Variants in ORC1 observed in about 807,000 individuals in gnomAD.
ORC1 encodes origin recognition complex, subunit 1 homolog.
In ORC1, 61 loss-of-function variants were observed where a neutral mutation model predicts 98.9. The ratio of observed to expected loss-of-function variants is 0.62; its 90% CI spans 0.50 to 0.76. The LOEUF (loss-of-function observed/expected upper bound fraction) is 0.76. ORC1 is among the 30% of genes least tolerant of loss of function. The probability of loss-of-function intolerance (pLI) is 0.00; values close to 1 mark genes in which losing one functional copy is unlikely to be tolerated. For synonymous variants in ORC1, 385 were observed against 406.9 expected, an observed-to-expected ratio of 0.95 and a Z score of 0.65; for missense variants, 979 against 1,072.2, an observed-to-expected ratio of 0.91 and a Z score of 1.21.
Position 52,402,248 on chromosome 1 carries a change from C to CT in ORC1, c.-5-21dup, listed in dbSNP as rs774396992. 9.0e-6 allele frequency: 14 copies of CT among 1,550,880 alleles called. No individual in the cohort carries two copies. Among genetic ancestry groups the CT allele is most frequent in the Non-Finnish European group, 1.2e-5 (14 of 1,122,590 alleles). On this transcript the variant is annotated intron_variant, in intron 1 of 16. Transcript: ENST00000371568. ...TGGCTTCTGTGGAAGAGTCCAAACT[C>CT]TGAGTTACCATGATAAATATTTGGT...
intron 6 of ORC1, among the ~76,000 whole-genome samples, chr1:52,390,323 C>G (rs1026225398): frequency 2.0e-5 from 3 of 152,180 alleles, no homozygotes; most frequent in African/African-American, 7.2e-5. Flanking sequence ...GTTACCAAAA[C>G]AGCATAGTAC....
intron 1 of ORC1, among the ~76,000 whole-genome samples, chr1:52,402,482 A>C (rs182796902): frequency 1.3e-5 from 2 of 152,356 alleles, no homozygotes. Flanking sequence ...GGAAAACAGA[A>C]AGGTCAATTC....
chr1:52,397,430 G>A (rs1569951612), intron 4 of ORC1, among the ~76,000 whole-genome samples: 2 of 152,168 alleles, frequency 1.3e-5, no homozygotes, highest in Non-Finnish European at 1.5e-5. Flanking sequence ...ATCCCCCTGA[G>A]ATACATCTGC....
At chr1:52,377,832 A>G (rs374891941) in intron 14 of ORC1, among the ~76,000 whole-genome samples, 6 of 152,150 alleles carry the variant, frequency 3.9e-5, no homozygotes, top group African/African-American at 1.4e-4. Context: ...TCAAGACAAA[A>G]AAATAAGAAA....
intron 5 of ORC1, among the ~76,000 whole-genome samples, chr1:52,394,609 T>A (rs186433091): frequency 6.6e-6 from 1 of 151,960 alleles, no homozygotes; most frequent in Non-Finnish European, 1.5e-5. Context: ...AGGGGACATA[T>A]GAGGACCTAA....
upstream of ORC1, among the ~76,000 whole-genome samples, chr1:52,405,336 G>C (rs1001397942): frequency 1.2e-4 from 18 of 152,184 alleles, no homozygotes; most frequent in African/African-American, 4.3e-4. Flanking sequence ...TTTGAATTGT[G>C]GCTTTAAATC....
At chr1:52,389,142 G>A (rs1647179177) in intron 7 of ORC1, 75 bp downstream of exon 7, 1 of 1,053,526 alleles carries the variant, frequency 9.5e-7, no homozygotes. Context: ...AACAGTATAA[G>A]AGGCATTAGG....
upstream of ORC1, chr1:52,404,803 A>G (rs891125386): frequency 3.7e-6 from 6 of 1,614,068 alleles, no homozygotes; most frequent in African/African-American, 2.7e-5. Flanking sequence ...CCAACCCTCA[A>G]TATCTGGTGG....
chr1:52,383,532 T>A lies in ORC1; in HGVS notation c.1901A>T (p.Tyr634Phe), dbSNP rs1313376435. ...LLWTHKQDIM[Y>F]NLFDWPTHKE... is the part of the protein sequence containing the mutation. ...ATGAGTGGGCCAGTCAAAGAGATTG[T>A]ACATTATGTCTTGTTTGTGAGTCCA... Residue 634 changes from tyrosine to phenylalanine, a missense_variant, in exon 13 of 17, where the codon TAC (tyrosine) becomes TTC (phenylalanine). Transcript: ENST00000371568. 6.2e-7 allele frequency: 1 copy of A among 1,613,898 alleles called. No individual in the cohort carries two copies. Among genetic ancestry groups the A allele is most frequent in the East Asian group, 2.2e-5 (1 of 44,894 alleles).
At chr1:52,376,398 T>C (rs147773714) in intron 14 of ORC1, among the ~76,000 whole-genome samples, 8,473 of 151,826 alleles carry the variant, frequency 0.056, 548 homozygotes, top group African/African-American at 0.15. Context: ...GCCTGTAATC[T>C]CAGCTACTGG....
At chr1:52,401,313 CCAATCATT>C (rs747821590) in intron 3 of ORC1, 41 bp downstream of exon 3, 1 of 1,611,134 alleles carries the variant, frequency 6.2e-7, no homozygotes, top group Non-Finnish European at 8.5e-7. Flanking sequence ...TCCCCACCTC[CCAATCATT>C]CATGACAAGG....
In ORC1 at chr1:52,384,841, G is replaced by A. The variant is rs115087338; in HGVS notation, c.1584-120C>T. ...ACCGAGACCCTTGAAATGTGGAGGT[G>A]GGGGCAGTAGGGACCATCCTTGGAA... On this transcript the variant is annotated intron_variant, in intron 10 of 16. Transcript: ENST00000371568. 2.7e-3 allele frequency: 2,296 copies of A among 856,828 alleles called. 28 individuals are homozygous for A. The African/African-American group carries it at 0.034, about 13-fold the overall frequency. 53.1% of individuals were successfully genotyped at this position (856,828 alleles called of 1,614,324 possible).
intron 3 of ORC1, among the ~76,000 whole-genome samples, chr1:52,399,597 C>G (rs541951441): frequency 7.9e-6 from 1 of 125,898 alleles, no homozygotes; most frequent in East Asian, 2.3e-4. Flanking sequence ...GCACTCCAGA[C>G]TGGGCGACAC....
chr1:52,373,505 G>T (rs935578747), intron 16 of ORC1, 130 bp from the exon 17 acceptor site: 2 of 773,960 alleles, frequency 2.6e-6, no homozygotes, highest in Non-Finnish European at 4.4e-6. Flanking sequence ...GAAGGCATCA[G>T]TTGGTGCCCC....
intron 3 of ORC1, among the ~76,000 whole-genome samples, chr1:52,399,840 A>ACACACACACAC (rs1557586074): frequency 7.1e-6 from 1 of 140,080 alleles, no homozygotes; most frequent in African/African-American, 2.8e-5. Flanking sequence ...CACACACACA[A>ACACACACACAC]GAATTACAGC....
chr1:52,385,704 T>C, intron 9 of ORC1, 148 bp downstream of exon 9: 1 of 717,224 alleles, frequency 1.4e-6, no homozygotes, highest in African/African-American at 1.8e-5. Flanking sequence ...TTTCTAAACA[T>C]ACACTCACTT....
At chr1:52,408,345 ATATG>A, upstream of ORC1, 1 of 670,474 alleles carries the variant, frequency 1.5e-6, no homozygotes, top group South Asian at 1.5e-5. Context: ...AAGTTGATCA[ATATG>A]TATGATGTTC....
chr1:52,406,380 G>A (rs1359537785), upstream of ORC1, among the ~76,000 whole-genome samples: 1 of 152,162 alleles, frequency 6.6e-6, no homozygotes, highest in Non-Finnish European at 1.5e-5. Flanking sequence ...GGATTTCACA[G>A]ATTCACTAAA....
At chr1:52,394,900 T>A (rs1261344941) in intron 5 of ORC1, among the ~76,000 whole-genome samples, 1 of 152,248 alleles carries the variant, frequency 6.6e-6, no homozygotes, top group Non-Finnish European at 1.5e-5. Flanking sequence ...TCCACCCGCC[T>A]CGGCCTCCAA....
Sources: gnomAD v4.1 joint callset for allele counts (sites outside exome capture counted in the v4.1 genomes callset) on GRCh38, gnomAD v4.1.1 for gene constraint, MANE v1.5 for transcripts, NCBI Gene and HGNC (gene_info 2026-07-23, HGNC 2026-07-21) for gene names.